Variants in PEX5 observed in about 807,000 individuals in gnomAD.
The protein encoded by PEX5 is peroxisomal biogenesis factor 5, also known as PTS1 receptor.
A neutral mutation model predicts 82.9 loss-of-function variants in PEX5; 52 were observed. The observed-to-expected ratio is 0.63, with a 90% confidence interval of 0.50 to 0.79. The LOEUF (loss-of-function observed/expected upper bound fraction) is 0.79, where lower values mean the gene tolerates loss of function less well. Ranked by LOEUF, PEX5 falls within the 30% of genes least tolerant of loss-of-function variation. The pLI is 0.00. For missense variants in PEX5, 719 were observed against 815.2 expected, an observed-to-expected ratio of 0.88 and a Z score of 1.44; for synonymous variants, 300 against 318.8, an observed-to-expected ratio of 0.94 and a Z score of 0.63.
chr12:7,202,030 T>C, intron 7 of PEX5, 189 bp downstream of exon 7: 1 of 785,374 alleles, frequency 1.3e-6, no homozygotes, highest in African/African-American at 1.7e-5. Flanking sequence ...TCTCCTTGCC[T>C]ACTAACTCTT....
At chr12:7,209,990 T>C (rs768582433) in intron 15 of PEX5, 32 bp from the exon 16 acceptor site, 9 of 1,612,188 alleles carry the variant, frequency 5.6e-6, no homozygotes, top group Non-Finnish European at 7.6e-6. Flanking sequence ...GTTGTTCAGC[T>C]TAACAGCTCT....
rs1296968716 is a variant in PEX5, at chr12:7,190,929, T to G, written c.183+6T>G. The stretch of plus-strand genomic sequence containing the variant: ...GAGTAGCTTCTGAAGATGAGGTAAA[T>G]AGACCAGTCTCTTTTCTGTCCCATT... On this transcript the variant is annotated splice_donor_region_variant and intron_variant, in intron 3 of 15. Coordinates refer to ENST00000675855, the MANE Select transcript of PEX5 (RefSeq NM_001351132.2). The G allele has an allele frequency of 1.2e-6, 2 of 1,610,914 alleles. No homozygotes were observed. Among genetic ancestry groups the G allele is most frequent in the Non-Finnish European group, 1.7e-6 (2 of 1,177,004 alleles).
chr12:7,214,953 C>T (rs762000134), downstream of PEX5, among the ~76,000 whole-genome samples: 17 of 152,132 alleles, frequency 1.1e-4, no homozygotes, highest in African/African-American at 4.1e-4. Flanking sequence ...ATGAGCAATA[C>T]AATTATTGTT....
At chr12:7,190,979 C>T (rs1259553707) in intron 3 of PEX5, 56 bp downstream of exon 3, 3 of 1,516,636 alleles carry the variant, frequency 2.0e-6, no homozygotes, top group Non-Finnish European at 2.7e-6. Flanking sequence ...TGTGTTTTTA[C>T]CTTTAAACTT....
At chr12:7,189,605 A>G, upstream of PEX5, 1 of 281,036 alleles carries the variant, frequency 3.6e-6, no homozygotes, top group Non-Finnish European at 6.5e-6. Context: ...GCCTTTTCAG[A>G]CAGCTTCCGC....
In PEX5 at chr12:7,197,521, A is replaced by G. The variant is rs182059449; in HGVS notation, c.449-1490A>G. 1.7e-3 allele frequency among the ~76,000 whole-genome samples: 149 copies of G among 88,294 alleles called. 14 individuals are homozygous for G. The highest frequency in any genetic ancestry group is 0.01 in the South Asian group (21 of 2,064). 57.9% of individuals were successfully genotyped at this position (88,294 alleles called of 152,430 possible). A position where few individuals can be genotyped will look rare whatever the true frequency, so the allele number is the denominator to read the frequency against. On this transcript the variant is annotated intron_variant, in intron 5 of 15. Coordinates refer to ENST00000675855, the MANE Select transcript of PEX5 (RefSeq NM_001351132.2). ...ATGTTATATATAATGTAATAATTAT[A>G]TGTTATATATAATGTAATTATATAT...
rs1165976921 is a variant in PEX5 at position 7,191,573 on chromosome 12, T to A, written c.321T>A (p.Pro107=). The change falls in exon 5 of 16, where the codon CCT becomes CCA. Residue 107 remains proline, a synonymous_variant. Coordinates refer to ENST00000675855, the MANE Select transcript of PEX5 (RefSeq NM_001351132.2). ...SNFRQAPQRA[P]GVADLALSEN... ...TTTCTCTCTCTCTCTTTTAAGCCCCTGGTGTGGCAGACTTGGCCTTGTCTG... is the reference window on the plus strand; with the variant it reads ...TTTCTCTCTCTCTCTTTTAAGCCCCAGGTGTGGCAGACTTGGCCTTGTCTG... 6.2e-7 allele frequency: 1 copy of A among 1,614,104 alleles called. No individual in the cohort carries two copies. Among genetic ancestry groups the A allele is most frequent in the East Asian group, 2.2e-5 (1 of 44,894 alleles).
At chr12:7,190,824 G>A in intron 2 of PEX5, 64 bp from the exon 3 acceptor site, 1 of 1,487,814 alleles carries the variant, frequency 6.7e-7, no homozygotes, top group Non-Finnish European at 9.4e-7. Context: ...GATGCCTATG[G>A]GCTTCATCAA....
At chr12:7,204,310 C>T (rs1240258061) in intron 10 of PEX5, among the ~76,000 whole-genome samples, 2 of 152,092 alleles carry the variant, frequency 1.3e-5, no homozygotes, top group East Asian at 3.8e-4. Context: ...CAGTTCAGAT[C>T]TGGTTGGGAA....
At position 7,203,604 on chromosome 12, in the gene PEX5, G is replaced by T. The variant is rs956619904; in HGVS notation, c.966+53G>T. On this transcript the variant is annotated intron_variant, in intron 10 of 15. Coordinates refer to ENST00000675855, the MANE Select transcript of PEX5 (RefSeq NM_001351132.2). ...GTTCCAGAACTTCCTTCTTTTTAAC[G>T]TCTTTCCTTTAATCCTGAATTTGAA... 1.3e-6 allele frequency: 2 copies of T among 1,559,242 alleles called. 1 individual carries two copies. The highest frequency in any genetic ancestry group is 2.7e-5 in the African/African-American group (2 of 74,126).
At chr12:7,216,175 C>T (rs1481795535), downstream of PEX5, among the ~76,000 whole-genome samples, 1 of 152,134 alleles carries the variant, frequency 6.6e-6, no homozygotes, top group Non-Finnish European at 1.5e-5. Flanking sequence ...ACCACATTGG[C>T]CAGGCTGGTC....
rs765682048 is a variant in PEX5, at chr12:7,208,566, C to G, written c.1291C>G (p.Arg431Gly). ...QACETLRDWL[R>G]YTPAYAHLVT... is the part of the protein sequence containing the mutation. ...CTGTGAAACCCTACGAGACTGGCTG[C>G]GGTACACACCAGCCTATGCCCATCT... Residue 431 changes from arginine (R) to glycine (G), a missense_variant, in exon 13 of 16, where the codon CGG becomes GGG. Coordinates refer to ENST00000675855, the MANE Select transcript of PEX5 (RefSeq NM_001351132.2). 1 of 1,613,264 alleles carries G rather than the reference C, an allele frequency of 6.2e-7. No individual in the cohort carries two copies.
chr12:7,207,104 A>G (rs1944901490), intron 10 of PEX5, among the ~76,000 whole-genome samples: 2 of 152,176 alleles, frequency 1.3e-5, no homozygotes, highest in Admixed American at 1.3e-4. Context: ...AATATTCATG[A>G]TTATTAAGAA....
intron 2 of PEX5, 31 bp from the exon 3 acceptor site, chr12:7,190,857 G>A: frequency 2.5e-6 from 4 of 1,608,448 alleles, no homozygotes; most frequent in Middle Eastern, 1.7e-4. Flanking sequence ...GAGGAACTGC[G>A]TCATTGTACA....
intron 6 of PEX5, among the ~76,000 whole-genome samples, chr12:7,201,348 T>TAC (rs1565701849): frequency 2.0e-5 from 3 of 151,352 alleles, no homozygotes; most frequent in African/African-American, 7.3e-5. Context: ...TATATATACA[T>TAC]ATCAGCTATA....
chr12:7,202,264 T>G lies in PEX5; in HGVS notation c.666T>G (p.Ile222Met). 1 of 1,614,058 alleles carries G rather than the reference T, an allele frequency of 6.2e-7. No homozygotes were observed. The highest frequency in any genetic ancestry group is 8.5e-7 in the Non-Finnish European group (1 of 1,180,004). ...NSEFLKFVRQIGEGQVSLESG... is the reference protein window; with the variant it reads ...NSEFLKFVRQMGEGQVSLESG... ...AGTTCCTGAAATTCGTGCGGCAGAT[T>G]GGCGAAGGGCAGGTGTCCCTGGAGT... The change falls in exon 8 of 16, where the codon ATT becomes ATG. Residue 222 changes from isoleucine to methionine, a missense_variant. Physicochemically the swap from Ile to Met is conservative, Grantham distance 10 (BLOSUM62 1). Transcript: ENST00000675855.
In PEX5 at chr12:7,190,304, T is replaced by G. The variant is rs1191835131; in HGVS notation, c.-16-58T>G. The G allele has an allele frequency of 2.5e-6, 4 of 1,602,670 alleles. No homozygotes were observed. The South Asian group carries it at 4.4e-5, about 18-fold the overall frequency. Reference sequence around the variant, plus strand: ...CCTTCCTCAGATACGGGCAGAGTTGTGGATGTGAGAAGGGTCTGGCTTGGG... The same window carrying G: ...CCTTCCTCAGATACGGGCAGAGTTGGGGATGTGAGAAGGGTCTGGCTTGGG... On this transcript the variant is annotated intron_variant, in intron 1 of 15. Coordinates refer to ENST00000675855, the MANE Select transcript of PEX5 (RefSeq NM_001351132.2).
intron 17 of PEX5, chr12:7,218,277 G>C (rs1945836502): frequency 6.6e-6 from 1 of 152,164 alleles, no homozygotes; most frequent in South Asian, 2.1e-4. Flanking sequence ...TTGCAATTGA[G>C]ACACTTTCTG....
chr12:7,208,384 G>A (rs377745754), intron 12 of PEX5, 73 bp from the exon 13 acceptor site: 42 of 1,116,832 alleles, frequency 3.8e-5, no homozygotes, highest in African/African-American at 2.4e-4. Flanking sequence ...AGCTTGGCTT[G>A]GATCCCAGGG....
Sources: allele counts gnomAD v4.1 joint callset (sites outside exome capture counted in the v4.1 genomes callset), GRCh38; gene constraint gnomAD v4.1.1; transcripts MANE v1.5; gene names NCBI Gene and HGNC (gene_info 2026-07-23, HGNC 2026-07-21).